Variants in IL17RD observed in about 807,000 individuals in gnomAD.
IL17RD encodes interleukin-17 receptor D.
IL17RD carries 52 observed loss-of-function variants against 80.5 expected under a neutral mutation model. That is an observed-to-expected ratio of 0.65 (90% confidence interval 0.52 to 0.81). The LOEUF (loss-of-function observed/expected upper bound fraction) is 0.81. Ranked by LOEUF, IL17RD falls within the 40% of genes least tolerant of loss-of-function variation. IL17RD has a pLI of 0.00. For missense variants in IL17RD, 1,024 were observed against 955.1 expected, an observed-to-expected ratio of 1.07 and a Z score of -0.95; for synonymous variants, 416 against 391.8, an observed-to-expected ratio of 1.06 and a Z score of -0.73.
chr3:57,098,920 T>C (rs1380404225), intron 11 of IL17RD, among the ~76,000 whole-genome samples: 3 of 152,184 alleles, frequency 2.0e-5, no homozygotes, highest in Non-Finnish European at 2.9e-5. Flanking sequence ...CTGAGGTTGG[T>C]TGATCTGGTG....
At chr3:57,137,957 A>G (rs966808471) in intron 1 of IL17RD, among the ~76,000 whole-genome samples, 2 of 152,230 alleles carry the variant, frequency 1.3e-5, no homozygotes, top group African/African-American at 4.8e-5. Flanking sequence ...CCTACAGATC[A>G]AGACCACTAA....
intron 1 of IL17RD, among the ~76,000 whole-genome samples, chr3:57,164,475 A>G (rs1368407989): frequency 6.6e-6 from 1 of 152,206 alleles, no homozygotes; most frequent in East Asian, 1.9e-4. Flanking sequence ...CCCAGATGAC[A>G]CCCACGCGGC....
chr3:57,102,851 C>T (rs139046849), intron 9 of IL17RD, among the ~76,000 whole-genome samples: 32 of 152,260 alleles, frequency 2.1e-4, no homozygotes, highest in Non-Finnish European at 3.5e-4. Flanking sequence ...TCTCCCCTCC[C>T]ACCACTTTTC....
intron 1 of IL17RD, among the ~76,000 whole-genome samples, chr3:57,131,410 C>T (rs752186727): frequency 1.3e-5 from 2 of 152,126 alleles, no homozygotes; most frequent in Non-Finnish European, 2.9e-5. Flanking sequence ...AGTATTCAGC[C>T]AACAGGAGTC....
At chr3:57,110,364 C>T in intron 3 of IL17RD, 53 bp from the exon 4 acceptor site, 1 of 1,534,158 alleles carries the variant, frequency 6.5e-7, no homozygotes, top group Non-Finnish European at 8.8e-7. Flanking sequence ...CTTCTGAACA[C>T]ACTCTTCTTC....
Position 57,120,293 on chromosome 3 carries a change from T to G in IL17RD, c.147A>C (p.Arg49Ser). The change falls in exon 2 of 13, where the codon AGA (arginine) becomes AGC (serine). Residue 49 changes from arginine (R) to serine (S), a missense_variant. Arg to Ser is a moderately radical substitution (Grantham distance 110). Coordinates refer to ENST00000296318, the MANE Select transcript of IL17RD (RefSeq NM_017563.5). ...CGWRGVGPAS[R>S]NSGLYNITFK... ...AGGTGATGTTGTACAGCCCACTGTT[T>G]CTGCTGGCTGGCCCCACTCCCTGTG... is the stretch of plus-strand genomic sequence containing the variant. 1.2e-6 allele frequency: 2 copies of G among 1,613,824 alleles called. No individual in the cohort carries two copies. Among genetic ancestry groups the G allele is most frequent in the South Asian group, 2.2e-5 (2 of 91,082 alleles).
At position 57,110,290 on chromosome 3, in the gene IL17RD, A is replaced by G. The variant is rs1269297049; in HGVS notation, c.332T>C (p.Phe111Ser). Residue 111 changes from phenylalanine to serine, a missense_variant, in exon 4 of 13, where the codon TTT (phenylalanine) becomes TCT (serine). By Grantham distance (155) the Phe-to-Ser change is radical. Coordinates refer to ENST00000296318, the MANE Select transcript of IL17RD (RefSeq NM_017563.5). The stretch of plus-strand genomic sequence containing the variant: ...CTTCAGCTCCTCCAGTATTACCCGA[A>G]ATCCTTTCAGGAATTCGATGCCTAA... ...GALGIEFLKGFRVILEELKSE... is the reference protein window; with the variant it reads ...GALGIEFLKGSRVILEELKSE... 4 of 1,605,666 alleles carry G rather than the reference A, an allele frequency of 2.5e-6. No homozygotes were observed. The highest frequency in any genetic ancestry group is 3.4e-5 in the Admixed American group (2 of 59,028).
chr3:57,140,278 T>C (rs1579304977), intron 1 of IL17RD, among the ~76,000 whole-genome samples: 2 of 152,176 alleles, frequency 1.3e-5, no homozygotes, highest in African/African-American at 4.8e-5. Flanking sequence ...ACATGGAAAA[T>C]GTAGAGACTA....
Position 57,165,336 on chromosome 3 carries a change from C to T in IL17RD, c.-50G>A, listed in dbSNP as rs1174914356. 7.7e-7 allele frequency: 1 copy of T among 1,291,020 alleles called. No homozygotes were observed. 80.0% of individuals were successfully genotyped at this position (1,291,020 alleles called of 1,614,324 possible). A position where few individuals can be genotyped will look rare whatever the true frequency, so the allele number is the denominator to read the frequency against. On this transcript the variant is annotated 5_prime_UTR_variant, in exon 1 of 13. Coordinates refer to ENST00000296318, the MANE Select transcript of IL17RD (RefSeq NM_017563.5). ...CGTTCTCTGCGCCCCGGCCGCCCGC[C>T]GCTGGCCAGCCCCGAGTGGGCGGTG...
chr3:57,096,539 C>G (rs1706678489), intron 12 of IL17RD, 34 bp from the exon 13 acceptor site: 1 of 1,404,928 alleles, frequency 7.1e-7, no homozygotes, highest in Non-Finnish European at 1.0e-6. Context: ...GTCACACTGT[C>G]ATTGCATTTC....
rs568275659 is a variant in IL17RD, at chr3:57,145,201, A to G, written c.126+19960T>C. 5.6e-4 allele frequency among the ~76,000 whole-genome samples: 85 copies of G among 152,276 alleles called. 1 individual carries two copies. Among genetic ancestry groups the G allele is most frequent in the African/African-American group, 2.0e-3 (82 of 41,548 alleles). On this transcript the variant is annotated intron_variant, in intron 1 of 12. Coordinates refer to ENST00000296318, the MANE Select transcript of IL17RD (RefSeq NM_017563.5). ...CCAGTGTGATTCAGAGCTCCCAGGG[A>G]GTCTGAGGCAGTCCCCTTGTTTATG...
Position 57,164,888 on chromosome 3 carries a change from G to T in IL17RD, c.126+273C>A, listed in dbSNP as rs2060335500. On this transcript the variant is annotated intron_variant, in intron 1 of 12. Coordinates refer to ENST00000296318, the MANE Select transcript of IL17RD (RefSeq NM_017563.5). ...CCGGCCCAGCCCCGCCGCCCCTCACGCCCGCCCTCTGAATGGGACCCCGGC... is the reference window on the plus strand; with the variant it reads ...CCGGCCCAGCCCCGCCGCCCCTCACTCCCGCCCTCTGAATGGGACCCCGGC... 4 of 1,204,086 alleles carry T rather than the reference G, an allele frequency of 3.3e-6. No individual in the cohort carries two copies. The South Asian group carries it at 6.3e-5, about 19-fold the overall frequency. The allele number at this position is 1,204,086 out of a possible 1,614,324, so 74.6% of individuals were successfully genotyped here.
chr3:57,121,124 C>T (rs1298391697), intron 1 of IL17RD, among the ~76,000 whole-genome samples: 2 of 152,082 alleles, frequency 1.3e-5, no homozygotes, highest in Non-Finnish European at 2.9e-5. Context: ...GCAAATGTGC[C>T]GTTCAGCATT....
rs1424805408 is a variant in IL17RD, at chr3:57,092,045, T to A, written c.*4348A>T. 6.6e-6 allele frequency: 1 copy of A among 152,646 alleles called. No individual in the cohort carries two copies. The highest frequency in any genetic ancestry group is 1.9e-4 in the East Asian group (1 of 5,198). 9.5% of individuals were successfully genotyped at this position (152,646 alleles called of 1,614,324 possible). On this transcript the variant is annotated 3_prime_UTR_variant, in exon 13 of 13. Coordinates refer to ENST00000296318, the MANE Select transcript of IL17RD (RefSeq NM_017563.5). Reference sequence around the variant, plus strand: ...TTTGGACTCCTAACTGATATCTCAGTATCAGGAAAAGCTTTTCTCTGTATA... The same window carrying A: ...TTTGGACTCCTAACTGATATCTCAGAATCAGGAAAAGCTTTTCTCTGTATA...
At chr3:57,157,644 C>T (rs140876485) in intron 1 of IL17RD, among the ~76,000 whole-genome samples, 27 of 152,362 alleles carry the variant, frequency 1.8e-4, no homozygotes, top group African/African-American at 5.8e-4. Flanking sequence ...CACGCTCAGG[C>T]GGCGGACTGC....
At chr3:57,146,941 C>T (rs928357402) in intron 1 of IL17RD, among the ~76,000 whole-genome samples, 3 of 149,024 alleles carry the variant, frequency 2.0e-5, no homozygotes, top group Non-Finnish European at 4.4e-5. Flanking sequence ...CCTGCCTCAG[C>T]TTCCCGAGCA....
chr3:57,102,103 A>T (rs923678169), intron 10 of IL17RD, among the ~76,000 whole-genome samples: 1 of 152,142 alleles, frequency 6.6e-6, no homozygotes, highest in Non-Finnish European at 1.5e-5. Context: ...ACTACAAAAA[A>T]AATTTTTTTT....
intron 1 of IL17RD, among the ~76,000 whole-genome samples, chr3:57,137,461 G>A (rs1365021019): frequency 6.6e-6 from 1 of 152,202 alleles, no homozygotes; most frequent in Admixed American, 6.5e-5. Context: ...GTGGGGAGAT[G>A]AGGAAGGAAG....
intron 1 of IL17RD, among the ~76,000 whole-genome samples, chr3:57,153,489 T>C (rs1290235540): frequency 1.3e-5 from 2 of 152,298 alleles, no homozygotes; most frequent in Non-Finnish European, 1.5e-5. Context: ...AGAGGAACTG[T>C]TCTGTATTAA....
Sources: gnomAD v4.1 joint callset for allele counts (sites outside exome capture counted in the v4.1 genomes callset) on GRCh38, gnomAD v4.1.1 for gene constraint, MANE v1.5 for transcripts, NCBI Gene and HGNC (gene_info 2026-07-23, HGNC 2026-07-21) for gene names.